Variants in PSD2 observed in about 807,000 individuals in gnomAD.
PSD2 encodes the protein pleckstrin and Sec7 domain containing 2.
PSD2 carries 38 observed loss-of-function variants against 69.8 expected under a neutral mutation model. The observed-to-expected ratio is 0.54, with a 90% CI of 0.42 to 0.71. PSD2 has a LOEUF of 0.71. PSD2 is among the 30% of genes least tolerant of loss of function. The pLI is 0.00. For missense variants in PSD2, 943 were observed against 1,014.5 expected (o/e 0.93, Z 0.96); for synonymous variants, 412 against 423.0 (o/e 0.97, Z 0.32).
chr5:139,766,828 C>CTTCTTTCTTTCCT, the PSD2 span, among the ~76,000 whole-genome samples: 1 of 87,736 alleles, frequency 1.1e-5, no homozygotes, highest in African/African-American at 3.6e-5. Flanking sequence ...AAGTCCCTTC[C>CTTCTTTCTTTCCT]TTCTTTCTTT....
At chr5:139,743,619 G>A in the PSD2 span, 1 of 153,020 alleles carries the variant, frequency 6.5e-6, no homozygotes, top group African/African-American at 2.4e-5. Context: ...ATTTGAGAGT[G>A]CATGTGTGTG....
chr5:139,836,036 T>A (rs986229366), intron 9 of PSD2, among the ~76,000 whole-genome samples: 1 of 152,262 alleles, frequency 6.6e-6, no homozygotes, highest in African/African-American at 2.4e-5. Flanking sequence ...TGGTTTTCTA[T>A]ATGGGGATAG....
chr5:139,755,591 C>T, the PSD2 span, among the ~76,000 whole-genome samples: 1 of 151,530 alleles, frequency 6.6e-6, no homozygotes, highest in African/African-American at 2.4e-5. Flanking sequence ...CTGTGTCTGT[C>T]CTGCTTCTGG....
the PSD2 span, among the ~76,000 whole-genome samples, chr5:139,764,091 A>T: frequency 6.6e-6 from 1 of 152,146 alleles, no homozygotes; most frequent in Non-Finnish European, 1.5e-5. Flanking sequence ...CAAGGGTTTT[A>T]CAGTTTAGGC....
intron 1 of PSD2, among the ~76,000 whole-genome samples, chr5:139,806,392 G>A (rs748681367): frequency 4.6e-5 from 7 of 152,222 alleles, no homozygotes; most frequent in Non-Finnish European, 8.8e-5. Context: ...CTCATTCTGC[G>A]TCTCCAGCCC....
At chr5:139,830,962 T>G (rs950865803) in intron 7 of PSD2, among the ~76,000 whole-genome samples, 2 of 152,160 alleles carry the variant, frequency 1.3e-5, no homozygotes, top group Admixed American at 1.3e-4. Context: ...GGTTATCTAA[T>G]TTTTTGGCAT....
intron 5 of PSD2, 37 bp from the exon 6 acceptor site, chr5:139,821,856 C>A: frequency 7.3e-7 from 1 of 1,365,950 alleles, no homozygotes; most frequent in Non-Finnish European, 1.0e-6. Context: ...TGGGTGAGGA[C>A]TCAGACTGCC....
upstream of PSD2, among the ~76,000 whole-genome samples, chr5:139,792,926 T>C: frequency 6.8e-6 from 1 of 147,832 alleles, no homozygotes; most frequent in Non-Finnish European, 1.5e-5. Flanking sequence ...TTCTTTTTTC[T>C]TTCTTTCTTT....
chr5:139,776,431 A>G, the PSD2 span, among the ~76,000 whole-genome samples: 1 of 152,242 alleles, frequency 6.6e-6, no homozygotes, highest in Non-Finnish European at 1.5e-5. Context: ...GCAGGGAATT[A>G]TCTAGGATCC....
At chr5:139,758,415 A>G in the PSD2 span, among the ~76,000 whole-genome samples, 1 of 152,128 alleles carries the variant, frequency 6.6e-6, no homozygotes, top group Non-Finnish European at 1.5e-5. Flanking sequence ...GGAGAAGGGC[A>G]GGGGGTTAGG....
chr5:139,768,964 G>T, the PSD2 span, among the ~76,000 whole-genome samples: 3 of 152,120 alleles, frequency 2.0e-5, no homozygotes, highest in African/African-American at 7.2e-5. Context: ...CACCTACTAC[G>T]TGTTGGGGTC....
chr5:139,765,801 A>G, the PSD2 span, among the ~76,000 whole-genome samples: 2 of 152,148 alleles, frequency 1.3e-5, no homozygotes, highest in Admixed American at 6.5e-5. Context: ...CCTGCCCCGC[A>G]TCTTCTGCAA....
chr5:139,828,222 T>TC (rs1294262423), intron 7 of PSD2, among the ~76,000 whole-genome samples: 2 of 150,244 alleles, frequency 1.3e-5, no homozygotes, highest in East Asian at 3.9e-4. Flanking sequence ...CCTATGGCAC[T>TC]GGTCAATGGA....
chr5:139,824,048 C>A (rs925010266), intron 7 of PSD2, among the ~76,000 whole-genome samples: 1 of 152,238 alleles, frequency 6.6e-6, no homozygotes, highest in Admixed American at 6.5e-5. Context: ...CACTCACCAC[C>A]AAAGCCCATG....
At position 139,837,270 on chromosome 5, in the gene PSD2, A is replaced by C; in HGVS notation, c.1665+32A>C. 1.2e-6 allele frequency: 2 copies of C among 1,607,548 alleles called. No individual in the cohort carries two copies. Among genetic ancestry groups the C allele is most frequent in the East Asian group, 2.2e-5 (1 of 44,740 alleles). ...GACTGCCCCAGAGACCTTACTCAGA[A>C]AGGGCCAGCTCAGTCCCATCCCGCC... On this transcript the variant is annotated intron_variant, in intron 11 of 14. Coordinates refer to ENST00000274710, the MANE Select transcript of PSD2 (RefSeq NM_032289.4). The surrounding 1 kb of genome is among the most constrained non-coding windows in gnomAD (Gnocchi z 5.0).
intron 5 of PSD2, among the ~76,000 whole-genome samples, chr5:139,819,221 A>T (rs376576871): frequency 3.9e-4 from 59 of 152,350 alleles, no homozygotes; most frequent in African/African-American, 1.3e-3. Context: ...GTGGGGATGC[A>T]GTGCTAATCC....
upstream of PSD2, among the ~76,000 whole-genome samples, chr5:139,795,254 A>G (rs1048979712): frequency 6.6e-6 from 1 of 152,014 alleles, no homozygotes; most frequent in South Asian, 2.1e-4. This position sits in a 1 kb window ranked among gnomAD's most constrained non-coding sequence, Gnocchi z 4.5. Context: ...TCTAGGTCTC[A>G]GGGGCTCAGT....
At chr5:139,822,676 TG>T in intron 6 of PSD2, 49 bp from the exon 7 acceptor site, 1 of 1,518,296 alleles carries the variant, frequency 6.6e-7, no homozygotes, top group Non-Finnish European at 9.0e-7. Context: ...AGACAGGGAG[TG>T]GGAAGAGGTT....
Position 139,821,942 on chromosome 5 carries a change from C to T in PSD2, c.1147C>T (p.Arg383Trp), listed in dbSNP as rs1452800668. 1.9e-6 allele frequency: 3 copies of T among 1,610,004 alleles called. No homozygotes were observed. Among genetic ancestry groups the T allele is most frequent in the Non-Finnish European group, 2.5e-6 (3 of 1,178,002 alleles). ...PLMGETQERE[R>W]VLTHFSRRYC... ...GATGGGGGAGACACAAGAGCGTGAG[C>T]GGGTCCTCACACACTTCTCCCGCCG... Residue 383 changes from arginine to tryptophan, a missense_variant, in exon 6 of 15, where the codon CGG becomes TGG. Arg to Trp is a moderately radical substitution (Grantham distance 101). This residue lies in a region of PSD2 where 312 missense variants were observed against 400.7 expected (regional missense o/e 0.78). Coordinates refer to ENST00000274710, the MANE Select transcript of PSD2 (RefSeq NM_032289.4).
Sources: allele counts gnomAD v4.1 joint callset (sites outside exome capture counted in the v4.1 genomes callset), GRCh38; gene constraint gnomAD v4.1.1; regional missense constraint gnomAD v4.1.1; non-coding constraint Gnocchi (gnomAD v3.1); transcripts MANE v1.5; gene names NCBI Gene and HGNC (gene_info 2026-07-23, HGNC 2026-07-21).